The following MBNL1 variants were observed in gnomAD, a reference collection of about 807,000 sequenced individuals.
The protein encoded by MBNL1 is muscleblind-like protein 1.
MBNL1 carries 8 observed loss-of-function variants against 42.2 expected under a neutral mutation model. The ratio of observed to expected loss-of-function variants is 0.19; its 90% CI spans 0.11 to 0.34. MBNL1 has a LOEUF of 0.34. MBNL1 is among the 10% of genes least tolerant of loss of function. The probability of loss-of-function intolerance (pLI) is 1.00; values close to 1 mark genes in which losing one functional copy is unlikely to be tolerated. For synonymous variants in MBNL1, 169 were observed against 173.9 expected (o/e 0.97, Z 0.22); for missense variants, 309 against 495.3 (o/e 0.62, Z 3.57).
intron 2 of MBNL1, among the ~76,000 whole-genome samples, chr3:152,250,371 CTT>C (rs2034305548): frequency 6.6e-6 from 1 of 151,420 alleles, no homozygotes; most frequent in African/African-American, 2.4e-5. Flanking sequence ...ATTTTATTCT[CTT>C]TGAAGCAATT....
intron 1 of MBNL1, among the ~76,000 whole-genome samples, chr3:152,279,662 G>C (rs1230839123): frequency 6.6e-6 from 1 of 152,164 alleles, no homozygotes; most frequent in Non-Finnish European, 1.5e-5. Context: ...GTATCATGAT[G>C]TTGTAACAGT....
chr3:152,309,036 C>T (rs913122508), intron 2 of MBNL1, among the ~76,000 whole-genome samples: 4 of 152,004 alleles, frequency 2.6e-5, no homozygotes, highest in African/African-American at 9.7e-5. Context: ...TAGGTGGTGG[C>T]GGCAATGGTT....
At chr3:152,331,082 C>G (rs1242027024) in intron 2 of MBNL1, among the ~76,000 whole-genome samples, 1 of 151,754 alleles carries the variant, frequency 6.6e-6, no homozygotes, top group East Asian at 1.9e-4. Flanking sequence ...TCTTTTTCTC[C>G]TTTTCCCTCT....
chr3:152,255,914 A>G (rs1392114783), intron 2 of MBNL1, among the ~76,000 whole-genome samples: 1 of 152,186 alleles, frequency 6.6e-6, no homozygotes, highest in Non-Finnish European at 1.5e-5. Flanking sequence ...TGAGCTTGGC[A>G]TATCTGAGAA....
chr3:152,324,415 A>G (rs1397680744), intron 2 of MBNL1, among the ~76,000 whole-genome samples: 2 of 152,132 alleles, frequency 1.3e-5, no homozygotes, highest in Admixed American at 6.6e-5. Context: ...CTGCCTGTAT[A>G]GCTTGTTGAA....
chr3:152,305,463 AAG>A (rs2062603037), intron 2 of MBNL1, among the ~76,000 whole-genome samples: 1 of 152,066 alleles, frequency 6.6e-6, no homozygotes, highest in African/African-American at 2.4e-5. Flanking sequence ...TTTTCTTACA[AAG>A]AGGTCCTATT....
intron 6 of MBNL1, among the ~76,000 whole-genome samples, chr3:152,448,091 A>G (rs574246874): frequency 3.9e-4 from 59 of 152,258 alleles, no homozygotes; most frequent in African/African-American, 1.4e-3. Context: ...ATTTTATGAT[A>G]CTTTCTTGCT....
intron 2 of MBNL1, among the ~76,000 whole-genome samples, chr3:152,353,623 A>G (rs371419452): frequency 6.6e-6 from 1 of 151,334 alleles, no homozygotes; most frequent in East Asian, 1.9e-4. Context: ...AGCCCTTGTC[A>G]TATCTTAGGC....
chr3:152,458,297 ATAT>A, intron 8 of MBNL1: 2 of 935,862 alleles, frequency 2.1e-6, no homozygotes, highest in Non-Finnish European at 1.7e-6. Context: ...AAACAGGGAC[ATAT>A]TAATATACAC....
At chr3:152,437,334 C>T (rs2099091663) in intron 4 of MBNL1, among the ~76,000 whole-genome samples, 1 of 152,156 alleles carries the variant, frequency 6.6e-6, no homozygotes, top group Non-Finnish European at 1.5e-5. Flanking sequence ...CTGGTTCTTA[C>T]ATAATTGCTT....
chr3:152,344,000 A>G lies in MBNL1; in HGVS notation c.174+43633A>G, dbSNP rs73009932. Among the ~76,000 whole-genome samples the G allele has an allele frequency of 5.1e-3, 771 of 152,220 alleles. 7 individuals are homozygous for G. The highest frequency in any genetic ancestry group is 0.018 in the African/African-American group (738 of 41,542). On this transcript the variant is annotated intron_variant, in intron 2 of 9. Transcript: ENST00000324210. ...TATTATAAAATTGTAATTTGTATGT[A>G]TGAACGTTAAGAACTTACATGGATG...
At chr3:152,361,384 A>T (rs2095933568) in intron 2 of MBNL1, among the ~76,000 whole-genome samples, 1 of 151,308 alleles carries the variant, frequency 6.6e-6, no homozygotes, top group African/African-American at 2.4e-5. Context: ...ATGCTTAGAT[A>T]GTAATTTGAA....
intron 4 of MBNL1, among the ~76,000 whole-genome samples, chr3:152,443,555 A>C (rs954294297): frequency 2.0e-5 from 3 of 151,800 alleles, no homozygotes; most frequent in African/African-American, 7.3e-5. Flanking sequence ...TCCTGAGTAT[A>C]GTGATGAGCC....
chr3:152,298,032 G>A (rs995579482), intron 1 of MBNL1, among the ~76,000 whole-genome samples: 5 of 152,098 alleles, frequency 3.3e-5, no homozygotes, highest in Admixed American at 6.5e-5. Flanking sequence ...TTTTTTAAAC[G>A]AAATTTAGTG....
At chr3:152,408,874 A>G (rs555189196) in intron 2 of MBNL1, among the ~76,000 whole-genome samples, 125 of 152,282 alleles carry the variant, frequency 8.2e-4, no homozygotes, top group African/African-American at 3.0e-3. Flanking sequence ...GCTGCTAAAC[A>G]TAGTACAATG....
rs1748075024 is a variant in MBNL1, at chr3:152,462,820, G to A, written c.*454G>A. On this transcript the variant is annotated 3_prime_UTR_variant, in exon 10 of 10. Transcript: ENST00000324210. ...TCTTTCAAGGTTTACAAATAACAAAGGTGCACCTTGTATTTAAAATTGCCA... is the reference window on the plus strand; with the variant it reads ...TCTTTCAAGGTTTACAAATAACAAAAGTGCACCTTGTATTTAAAATTGCCA... 6.6e-6 allele frequency: 1 copy of A among 152,118 alleles called. No homozygotes were observed. The highest frequency in any genetic ancestry group is 6.6e-5 in the Admixed American group (1 of 15,252). 9.4% of individuals were successfully genotyped at this position (152,118 alleles called of 1,614,324 possible).
chr3:152,317,672 G>A (rs1252142124), intron 2 of MBNL1, among the ~76,000 whole-genome samples: 1 of 131,218 alleles, frequency 7.6e-6, no homozygotes, highest in Non-Finnish European at 1.8e-5. Flanking sequence ...TTATCTCCAA[G>A]TAAGTCTAAT....
At chr3:152,376,787 C>T (rs1446958438) in intron 2 of MBNL1, among the ~76,000 whole-genome samples, 1 of 152,008 alleles carries the variant, frequency 6.6e-6, no homozygotes, top group African/African-American at 2.4e-5. Flanking sequence ...TATATACGCA[C>T]ACACACACGT....
chr3:152,295,914 A>G (rs1167105966), intron 1 of MBNL1, among the ~76,000 whole-genome samples: 2 of 152,204 alleles, frequency 1.3e-5, no homozygotes, highest in African/African-American at 4.8e-5. Flanking sequence ...GATAAAATGT[A>G]TCAGTTTGTT....
Sources: gnomAD v4.1 joint callset for allele counts (sites outside exome capture counted in the v4.1 genomes callset) on GRCh38, gnomAD v4.1.1 for gene constraint, MANE v1.5 for transcripts, NCBI Gene and HGNC (gene_info 2026-07-23, HGNC 2026-07-21) for gene names.